Variants in PARP12 observed in about 807,000 individuals in gnomAD.
PARP12 encodes the protein protein mono-ADP-ribosyltransferase PARP12.
PARP12 carries 59 observed loss-of-function variants against 72.4 expected under a neutral mutation model. The observed-to-expected ratio is 0.81, with a 90% CI of 0.66 to 1.01. The LOEUF is 1.01. Ranked by LOEUF, PARP12 falls within the 50% of genes least tolerant of loss-of-function variation. PARP12 has a pLI of 0.00. For missense variants in PARP12, 851 were observed against 914.0 expected (o/e 0.93, Z 0.89); for synonymous variants, 403 against 371.4 (o/e 1.09, Z -0.98).
chr7:140,062,407 G>C lies in PARP12; in HGVS notation c.326+115C>G, dbSNP rs557236360. ...TTTAGTGAATGACGGTGCGAGGTCA[G>C]GGCAGAGCCACCGAATTGTCTGCTC... On this transcript the variant is annotated intron_variant, in intron 1 of 11. Transcript: ENST00000263549. 1.5e-5 allele frequency: 16 copies of C among 1,098,564 alleles called. 1 individual carries two copies. The African/African-American group carries it at 2.5e-4, about 17-fold the overall frequency. 68.1% of individuals were successfully genotyped at this position (1,098,564 alleles called of 1,614,324 possible).
At chr7:140,035,319 C>A (rs1282674908) in intron 7 of PARP12, among the ~76,000 whole-genome samples, 2 of 152,186 alleles carry the variant, frequency 1.3e-5, no homozygotes, top group Non-Finnish European at 2.9e-5. Context: ...TTCTCACTGG[C>A]ATATTTAAAT....
rs879802126 is a variant in PARP12 at position 140,035,941 on chromosome 7, G to A, written c.1325-1610C>T. ...AGGAGGAGGACAAGGAGGAGGAGGA[G>A]GAGGAGGAGGACGAGGAGGAGGAGG... On this transcript the variant is annotated intron_variant, in intron 7 of 11. Transcript: ENST00000263549. Among the ~76,000 whole-genome samples, 30 of 107,260 alleles carry A rather than the reference G, an allele frequency of 2.8e-4. 5 individuals carry two copies. The highest frequency in any genetic ancestry group is 9.5e-4 in the African/African-American group (20 of 21,118). The allele number at this position is 107,260 out of a possible 152,430, so 70.4% of individuals were successfully genotyped here. A position where few individuals can be genotyped will look rare whatever the true frequency, so the allele number is the denominator to read the frequency against.
At chr7:140,026,667 A>G (rs2286197) in intron 10 of PARP12, among the ~76,000 whole-genome samples, 79,940 of 151,754 alleles carry the variant, frequency 0.53, 23,722 homozygotes, top group African/African-American at 0.81. Context: ...TTGCTCCTGC[A>G]TGGAGCTGAG....
intron 8 of PARP12, among the ~76,000 whole-genome samples, chr7:140,029,596 G>A (rs1815861778): frequency 6.6e-6 from 1 of 151,930 alleles, no homozygotes; most frequent in Admixed American, 6.6e-5. Context: ...TTAAGATGCT[G>A]AAATTATCAG....
At chr7:140,036,080 G>A (rs1333925036) in intron 7 of PARP12, among the ~76,000 whole-genome samples, 1 of 146,114 alleles carries the variant, frequency 6.8e-6, no homozygotes, top group African/African-American at 2.6e-5. Flanking sequence ...GGAGAAGGAG[G>A]AGAAGGAGAA....
In PARP12 at chr7:140,032,523, G is replaced by A. The variant is rs1815977937; in HGVS notation, c.1421+1712C>T. Among the ~76,000 whole-genome samples the A allele has an allele frequency of 2.6e-5, 4 of 151,852 alleles. No homozygotes were observed. The South Asian group carries it at 6.2e-4, about 24-fold the overall frequency. On this transcript the variant is annotated intron_variant, in intron 8 of 11. Coordinates refer to ENST00000263549, the MANE Select transcript of PARP12 (RefSeq NM_022750.4). ...GCACATACATCAAATGGTTCATCAC[G>A]ACATTATACTTTTTAATAGCAAAAG...
chr7:140,024,578 C>T lies in PARP12; in HGVS notation c.2088G>A (p.Leu696=), dbSNP rs146935301. Residue 696 remains leucine (L), a synonymous_variant, in exon 12 of 12, where the codon CTG becomes CTA. Coordinates refer to ENST00000263549, the MANE Select transcript of PARP12 (RefSeq NM_022750.4). ...TGTGCGCTCACTGTCGGCTGCTGAA[C>T]AGGGAGCCCAAGGCCAGCAGGATGG... The part of the protein sequence containing the change: ...TPSILLALGS[L]FSSRQ 1.6e-5 allele frequency: 26 copies of T among 1,614,072 alleles called. No individual in the cohort carries two copies. The highest frequency in any genetic ancestry group is 2.0e-5 in the Non-Finnish European group (24 of 1,180,052).
intron 4 of PARP12, among the ~76,000 whole-genome samples, chr7:140,053,755 T>G (rs1055974502): frequency 2.6e-5 from 4 of 152,164 alleles, no homozygotes; most frequent in Admixed American, 1.3e-4. Context: ...TACTACACAC[T>G]TGTTTTTAAA....
chr7:140,042,524 G>A (rs1165114694), intron 5 of PARP12, among the ~76,000 whole-genome samples: 1 of 152,266 alleles, frequency 6.6e-6, no homozygotes. Context: ...AGTAACGACA[G>A]AGAGCCTGGG....
chr7:140,028,646 C>G lies in PARP12; in HGVS notation c.1464G>C (p.Trp488Cys). 1.2e-6 allele frequency: 2 copies of G among 1,604,216 alleles called. No individual in the cohort carries two copies. Among genetic ancestry groups the G allele is most frequent in the Non-Finnish European group, 1.7e-6 (2 of 1,175,122 alleles). The change falls in exon 9 of 12, where the codon TGG (tryptophan) becomes TGC (cysteine). Residue 488 changes from tryptophan to cysteine, a missense_variant. Around this residue, in one of 3 missense-constraint regions of PARP12, gnomAD observed 347 missense variants for 396.1 expected, o/e 0.88. Transcript: ENST00000263549. ...FPGPKSIPDY[W>C]DSSALPDPGF... ...CTGGGTCTGGCAGGGCAGAGGAGTC[C>G]CAATAGTCTGGGATGCTCTTCGGGC... is the stretch of plus-strand genomic sequence containing the variant.
chr7:140,060,021 T>C (rs749472568), intron 1 of PARP12, among the ~76,000 whole-genome samples: 1 of 152,240 alleles, frequency 6.6e-6, no homozygotes, highest in Non-Finnish European at 1.5e-5. Context: ...AGTGTAACGA[T>C]GACTGATGGT....
chr7:140,057,766 C>G (rs915388408), intron 2 of PARP12, 133 bp downstream of exon 2: 2 of 1,308,286 alleles, frequency 1.5e-6, no homozygotes, highest in East Asian at 5.0e-5. Context: ...GCTCCACATT[C>G]CAAATTTCTG....
intron 8 of PARP12, among the ~76,000 whole-genome samples, chr7:140,030,870 T>C (rs1815916375): frequency 6.6e-6 from 1 of 152,220 alleles, no homozygotes; most frequent in Admixed American, 6.5e-5. Flanking sequence ...TTTCCTCTAA[T>C]GTGGCCTGGG....
intron 10 of PARP12, 89 bp from the exon 11 acceptor site, chr7:140,026,437 A>G: frequency 6.6e-7 from 1 of 1,526,560 alleles, no homozygotes; most frequent in Non-Finnish European, 8.8e-7. Flanking sequence ...ATTTTTCCAA[A>G]ATTCCAAAAG....
chr7:140,034,854 T>A (rs1227485358), intron 7 of PARP12: 1 of 153,552 alleles, frequency 6.5e-6, no homozygotes, highest in African/African-American at 2.4e-5. Flanking sequence ...GATTTGGGGT[T>A]GGGGGAACTG....
Position 140,044,440 on chromosome 7 carries a change from G to A in PARP12, c.986+2444C>T, listed in dbSNP as rs147075403. ...CAATGGAGGCTGAGATTGGAGTGAC[G>A]CGTCTACAAGCCAAGGCATGCCAAG... On this transcript the variant is annotated intron_variant, in intron 5 of 11. Coordinates refer to ENST00000263549, the MANE Select transcript of PARP12 (RefSeq NM_022750.4). Among the ~76,000 whole-genome samples the A allele has an allele frequency of 8.0e-3, 1,213 of 152,256 alleles. 9 individuals are homozygous for A. Among genetic ancestry groups the A allele is most frequent in the Non-Finnish European group, 0.011 (754 of 68,014 alleles).
At position 140,024,171 on chromosome 7, in the gene PARP12, A is replaced by C; in HGVS notation, c.*389T>G. 1 of 303,616 alleles carries C rather than the reference A, an allele frequency of 3.3e-6. No individual in the cohort carries two copies. Among genetic ancestry groups the C allele is most frequent in the Non-Finnish European group, 6.4e-6 (1 of 155,790 alleles). 18.8% of individuals were successfully genotyped at this position (303,616 alleles called of 1,614,324 possible). ...GTGGCTACTGTGTCATTCTGGAAAA[A>C]CTATGATGCCATGAGACTCTGAGAA... On this transcript the variant is annotated 3_prime_UTR_variant, in exon 12 of 12. Transcript: ENST00000263549.
chr7:140,059,402 C>CTT (rs1554389003), intron 1 of PARP12, among the ~76,000 whole-genome samples: 2 of 147,332 alleles, frequency 1.4e-5, no homozygotes, highest in African/African-American at 2.5e-5. Context: ...CTGAACCTAG[C>CTT]TTTTTTTTTT....
Position 140,024,558 on chromosome 7 carries a change from G to A in PARP12, c.*2C>T, listed in dbSNP as rs2269996. ...TGAAAGGCCTGGAACACTCCTGTGC[G>A]CTCACTGTCGGCTGCTGAACAGGGA... On this transcript the variant is annotated 3_prime_UTR_variant, in exon 12 of 12. Coordinates refer to ENST00000263549, the MANE Select transcript of PARP12 (RefSeq NM_022750.4). 0.21 allele frequency: 345,945 copies of A among 1,613,240 alleles called. 42,837 individuals are homozygous for A. Among genetic ancestry groups the A allele is most frequent in the East Asian group, 0.57 (25,629 of 44,850 alleles).
Sources: allele counts gnomAD v4.1 joint callset (sites outside exome capture counted in the v4.1 genomes callset), GRCh38; gene constraint gnomAD v4.1.1; regional missense constraint gnomAD v4.1.1; transcripts MANE v1.5; gene names NCBI Gene and HGNC (gene_info 2026-07-23, HGNC 2026-07-21).